The following PAM16 variants were observed in gnomAD, a reference collection of about 807,000 sequenced individuals.
PAM16 encodes the protein mitochondrial import inner membrane translocase subunit TIM16.
In PAM16, 11 loss-of-function variants were observed where a neutral mutation model predicts 17.9. The ratio of observed to expected loss-of-function variants is 0.62; its 90% CI spans 0.39 to 1.02. The LOEUF (loss-of-function observed/expected upper bound fraction) is 1.02, where lower values mean the gene tolerates loss of function less well. Ranked by LOEUF, PAM16 falls within the 50% of genes least tolerant of loss-of-function variation. PAM16 has a pLI of 0.01. For synonymous variants in PAM16, 72 were observed against 67.4 expected, an observed-to-expected ratio of 1.07 and a Z score of -0.34; for missense variants, 199 against 165.4, an observed-to-expected ratio of 1.20 and a Z score of -1.11.
chr16:4,351,099 C>T lies in PAM16; in HGVS notation c.3+133G>A, dbSNP rs1226420280. On this transcript the variant is annotated intron_variant, in intron 1 of 4. Coordinates refer to ENST00000318059, the MANE Select transcript of PAM16 (RefSeq NM_016069.11). ...CTCGATTCCCCCGGGTGCAACGCCC[C>T]CAGACCATGCTTCCCGCCGGGCACG... 9 of 435,766 alleles carry T rather than the reference C, an allele frequency of 2.1e-5. No individual in the cohort carries two copies. In the East Asian group the frequency reaches 3.4e-4, roughly 16 times the overall value. 27.0% of individuals were successfully genotyped at this position (435,766 alleles called of 1,614,324 possible).
intron 1 of PAM16, chr16:4,350,972 C>A: frequency 3.3e-6 from 1 of 307,118 alleles, no homozygotes. Flanking sequence ...CACGGCTGCT[C>A]GCTCACACGC....
chr16:4,347,956 G>A (rs1489890937), intron 1 of PAM16: 1 of 152,248 alleles, frequency 6.6e-6, no homozygotes, highest in Non-Finnish European at 1.5e-5. Flanking sequence ...ACCACAGACA[G>A]TGCTGTGGGA....
chr16:4,350,589 G>C (rs906191620), intron 1 of PAM16, among the ~76,000 whole-genome samples: 5 of 152,000 alleles, frequency 3.3e-5, no homozygotes, highest in Admixed American at 3.3e-4. Context: ...TTTTGGTGGA[G>C]ACCGGGTTTC....
chr16:4,341,005 G>C lies in PAM16; in HGVS notation c.226-20C>G. The C allele has an allele frequency of 1.2e-6, 2 of 1,612,804 alleles. No homozygotes were observed. The highest frequency in any genetic ancestry group is 1.7e-6 in the Non-Finnish European group (2 of 1,179,688). ...ATAGTTCTGCAGAGGAGAGGGGACG[G>C]GTGAGAGGGCTGCAGACTGCAGGCA... On this transcript the variant is annotated intron_variant, in intron 3 of 4. Transcript: ENST00000318059.
chr16:4,344,800 T>C (rs200567223), intron 1 of PAM16, among the ~76,000 whole-genome samples: 7 of 27,354 alleles, frequency 2.6e-4, no homozygotes, highest in Admixed American at 1.6e-3. Flanking sequence ...GAGGGGATTG[T>C]GTGAGAGGAG....
chr16:4,340,554 T>A, intron 4 of PAM16, 149 bp from the exon 5 acceptor site: 1 of 871,696 alleles, frequency 1.1e-6, no homozygotes, highest in Non-Finnish European at 1.7e-6. Context: ...CACCCCAGGG[T>A]CGGGGTGGCC....
chr16:4,343,904 C>T lies in PAM16; in HGVS notation c.4-613G>A, dbSNP rs1021972713. Reference sequence around the variant, plus strand: ...CCAAATCATGAGGGAGAGTCAGGCTCGTTCATTTGTGCAGCCATTGGTTCA... The same window carrying T: ...CCAAATCATGAGGGAGAGTCAGGCTTGTTCATTTGTGCAGCCATTGGTTCA... On this transcript the variant is annotated intron_variant, in intron 1 of 4. Coordinates refer to ENST00000318059, the MANE Select transcript of PAM16 (RefSeq NM_016069.11). 2.8e-4 allele frequency: 113 copies of T among 397,744 alleles called. 2 individuals are homozygous for T. In the East Asian group the frequency reaches 3.7e-3, roughly 13 times the overall value. 24.6% of individuals were successfully genotyped at this position (397,744 alleles called of 1,614,324 possible). A position where few individuals can be genotyped will look rare whatever the true frequency, so the allele number is the denominator to read the frequency against.
chr16:4,340,371 A>G lies in PAM16; in HGVS notation c.326T>C (p.Leu109Pro). ...TCTGTCCTCCTGGGCCTGGATTTTGAGTTCCTCATCCAGGCGCTCCTTTGC... is the reference window on the plus strand; with the variant it reads ...TCTGTCCTCCTGGGCCTGGATTTTGGGTTCCTCATCCAGGCGCTCCTTTGC... ...VRAKERLDEE[L>P]KIQAQEDREK... is the part of the protein sequence containing the mutation. Residue 109 changes from leucine (L) to proline (P), a missense_variant, in exon 5 of 5, where the codon CTC (leucine) becomes CCC (proline). Transcript: ENST00000318059. 6.2e-7 allele frequency: 1 copy of G among 1,612,836 alleles called. No homozygotes were observed. The highest frequency in any genetic ancestry group is 2.2e-5 in the East Asian group (1 of 44,870).
Position 4,340,377 on chromosome 16 carries a change from T to C in PAM16, c.320A>G (p.Glu107Gly). The C allele has an allele frequency of 6.2e-7, 1 of 1,612,832 alleles. No homozygotes were observed. The highest frequency in any genetic ancestry group is 8.5e-7 in the Non-Finnish European group (1 of 1,179,918). Reference sequence around the variant, plus strand: ...CTCCTGGGCCTGGATTTTGAGTTCCTCATCCAGGCGCTCCTTTGCGCGGAC... The same window carrying C: ...CTCCTGGGCCTGGATTTTGAGTTCCCCATCCAGGCGCTCCTTTGCGCGGAC... The part of the protein sequence containing the change: ...KVVRAKERLD[E>G]ELKIQAQEDR... Residue 107 changes from glutamate (E) to glycine (G), a missense_variant, in exon 5 of 5, where the codon GAG (glutamate) becomes GGG (glycine). Physicochemically the swap from Glu to Gly is moderately conservative, Grantham distance 98 (BLOSUM62 -2). Coordinates refer to ENST00000318059, the MANE Select transcript of PAM16 (RefSeq NM_016069.11).
intron 1 of PAM16, chr16:4,343,692 T>C (rs1207677783): frequency 1.8e-6 from 1 of 566,716 alleles, no homozygotes; most frequent in Non-Finnish European, 2.7e-6. Context: ...CCATCACTCT[T>C]CCTGAGTTTC....
chr16:4,347,554 C>A (rs1166446960), intron 1 of PAM16: 1 of 152,418 alleles, frequency 6.6e-6, no homozygotes, highest in African/African-American at 2.4e-5. Flanking sequence ...AGCGGCAGGT[C>A]CAGAACTAGG....
At chr16:4,346,493 T>C (rs909713289) in intron 1 of PAM16, among the ~76,000 whole-genome samples, 3 of 152,200 alleles carry the variant, frequency 2.0e-5, no homozygotes, top group Admixed American at 1.3e-4. Flanking sequence ...ACAAAGCTTC[T>C]TTCAAAATAG....
chr16:4,341,244 G>T (rs889428520), intron 3 of PAM16, 124 bp downstream of exon 3: 2 of 1,447,176 alleles, frequency 1.4e-6, no homozygotes, highest in Non-Finnish European at 1.8e-6. Context: ...GCTCCCGAAA[G>T]TTGGAGTCCG....
chr16:4,340,481 T>C (rs1002025581), intron 4 of PAM16, 76 bp from the exon 5 acceptor site: 1 of 1,518,604 alleles, frequency 6.6e-7, no homozygotes, highest in East Asian at 2.3e-5. Flanking sequence ...GATGGCCTAT[T>C]CCCATCAGCC....
rs2053626771 is a variant in PAM16, at chr16:4,340,493, AG to A, written c.292-89del. The A allele has an allele frequency of 9.6e-6, 14 of 1,464,340 alleles. No homozygotes were observed. In the South Asian group the frequency reaches 1.7e-4, roughly 17 times the overall value. 90.7% of individuals were successfully genotyped at this position (1,464,340 alleles called of 1,614,324 possible). ...TGGGATGGCCTATTCCCATCAGCCCAGGTCCATTTTTTGAAGGGCAGTGGGT... is the reference window on the plus strand; with the variant it reads ...TGGGATGGCCTATTCCCATCAGCCCAGTCCATTTTTTGAAGGGCAGTGGGT... On this transcript the variant is annotated intron_variant, in intron 4 of 4. Coordinates refer to ENST00000318059, the MANE Select transcript of PAM16 (RefSeq NM_016069.11).
chr16:4,343,447 A>G (rs2053682979), intron 1 of PAM16, 156 bp from the exon 2 acceptor site: 2 of 1,437,698 alleles, frequency 1.4e-6, no homozygotes, highest in East Asian at 5.0e-5. Flanking sequence ...AGCACCCTGA[A>G]TGAAAGCTTC....
At chr16:4,349,116 C>G (rs576060316) in intron 1 of PAM16, among the ~76,000 whole-genome samples, 1 of 152,026 alleles carries the variant, frequency 6.6e-6, no homozygotes, top group African/African-American at 2.4e-5. Context: ...CCACCACACC[C>G]GGCTAATTTT....
Position 4,349,499 on chromosome 16 carries a change from T to C in PAM16, c.3+1733A>G, listed in dbSNP as rs571585029. Among the ~76,000 whole-genome samples, 9 of 152,148 alleles carry C rather than the reference T, an allele frequency of 5.9e-5. No homozygotes were observed. In the South Asian group the frequency reaches 1.9e-3, roughly 32 times the overall value. On this transcript the variant is annotated intron_variant, in intron 1 of 4. Transcript: ENST00000318059. Reference sequence around the variant, plus strand: ...TACTGGGGAGGATGAAATGGGAGGATCACCTAAGCCCCAGGAGGTTGAGGC... The same window carrying C: ...TACTGGGGAGGATGAAATGGGAGGACCACCTAAGCCCCAGGAGGTTGAGGC...
At chr16:4,341,753 C>T (rs557704685) in intron 2 of PAM16, 2 of 586,512 alleles carry the variant, frequency 3.4e-6, no homozygotes, top group Non-Finnish European at 2.9e-6. Context: ...GGTCCCCAAC[C>T]TAGACCATGA....
Sources: gnomAD v4.1 joint callset for allele counts (sites outside exome capture counted in the v4.1 genomes callset) on GRCh38, gnomAD v4.1.1 for gene constraint, MANE v1.5 for transcripts, NCBI Gene and HGNC (gene_info 2026-07-23, HGNC 2026-07-21) for gene names.